Variants in SBF2 observed in about 807,000 individuals in gnomAD.
SBF2 encodes SET binding factor 2, also known as myotubularin-related protein 13.
SBF2 carries 112 observed loss-of-function variants against 225.2 expected under a neutral mutation model. That is an observed-to-expected ratio of 0.50 (90% CI 0.43 to 0.58). The LOEUF (loss-of-function observed/expected upper bound fraction) is 0.58, where lower values mean the gene tolerates loss of function less well. Among genes scored for constraint, SBF2 ranks in the 20% least tolerant of loss-of-function variants. The probability of loss-of-function intolerance (pLI) is 0.00; values close to 1 mark genes in which losing one functional copy is unlikely to be tolerated. For missense variants in SBF2, 1,996 were observed against 2,206.2 expected (o/e 0.90, Z 1.91); for synonymous variants, 763 against 773.3 (o/e 0.99, Z 0.22).
chr11:10,086,739 A>C (rs1397568174), intron 2 of SBF2, among the ~76,000 whole-genome samples: 1 of 152,216 alleles, frequency 6.6e-6, no homozygotes, highest in Non-Finnish European at 1.5e-5. Context: ...ACAAAGTTTT[A>C]CTTAGCTTCT....
chr11:9,961,620 G>A (rs1246388470), intron 16 of SBF2: 6 of 177,950 alleles, frequency 3.4e-5, no homozygotes, highest in Non-Finnish European at 7.1e-5. Flanking sequence ...TTGGACAACT[G>A]AAAACTGACT....
At chr11:10,065,082 G>T (rs1217469823) in intron 2 of SBF2, among the ~76,000 whole-genome samples, 1 of 152,114 alleles carries the variant, frequency 6.6e-6, no homozygotes, top group Non-Finnish European at 1.5e-5. Context: ...ATGTTCTCAT[G>T]TCAAAGGGAA....
chr11:10,128,981 T>C (rs1450085812), intron 2 of SBF2, among the ~76,000 whole-genome samples: 2 of 151,914 alleles, frequency 1.3e-5, no homozygotes, highest in Admixed American at 6.6e-5. Flanking sequence ...ACAATTAGAC[T>C]ACAGGCTAAA....
At chr11:9,951,611 A>G (rs956232383) in intron 16 of SBF2, among the ~76,000 whole-genome samples, 2 of 152,208 alleles carry the variant, frequency 1.3e-5, no homozygotes, top group African/African-American at 4.8e-5. Context: ...TAGTTGTGTG[A>G]TTTCAAAAAT....
chr11:10,256,525 C>T (rs1465562905), intron 1 of SBF2, among the ~76,000 whole-genome samples: 2 of 152,170 alleles, frequency 1.3e-5, no homozygotes, highest in African/African-American at 4.8e-5. Flanking sequence ...GGCTTCATAA[C>T]AAAGCATAAC....
intron 1 of SBF2, among the ~76,000 whole-genome samples, chr11:10,249,357 C>A (rs1383337429): frequency 6.6e-6 from 1 of 152,014 alleles, no homozygotes; most frequent in East Asian, 1.9e-4. Context: ...CATTAATAAT[C>A]TACTAATGTA....
At chr11:9,945,122 T>C (rs1035448473) in intron 16 of SBF2, among the ~76,000 whole-genome samples, 1 of 151,610 alleles carries the variant, frequency 6.6e-6, no homozygotes, top group African/African-American at 2.4e-5. Context: ...ATAAAATTCA[T>C]ATGGGACCAA....
intron 6 of SBF2, among the ~76,000 whole-genome samples, chr11:10,012,160 T>C (rs1196252840): frequency 1.3e-5 from 2 of 152,216 alleles, no homozygotes; most frequent in East Asian, 1.9e-4. Flanking sequence ...CAGTTATTTA[T>C]TTTGAGAAAG....
At chr11:9,967,266 A>G (rs894746931) in intron 14 of SBF2, among the ~76,000 whole-genome samples, 1 of 151,872 alleles carries the variant, frequency 6.6e-6, no homozygotes, top group African/African-American at 2.4e-5. Context: ...CAGCTACTCA[A>G]GAGGCTGAGG....
At chr11:9,923,298 A>G (rs1181043961) in intron 16 of SBF2, among the ~76,000 whole-genome samples, 1 of 147,478 alleles carries the variant, frequency 6.8e-6, no homozygotes, top group Non-Finnish European at 1.5e-5. Flanking sequence ...TTTTGGTTAC[A>G]CCCTAGTTAA....
intron 2 of SBF2, among the ~76,000 whole-genome samples, chr11:10,179,053 A>G (rs1462887994): frequency 6.8e-6 from 1 of 147,880 alleles, no homozygotes; most frequent in African/African-American, 2.5e-5. Flanking sequence ...AGGGACATGG[A>G]TGAAATTGGA....
intron 10 of SBF2, 121 bp downstream of exon 10, chr11:9,993,800 T>C: frequency 2.0e-6 from 2 of 991,700 alleles, no homozygotes; most frequent in Admixed American, 2.4e-5. Flanking sequence ...AATTTCTAAT[T>C]TGGGGCACTT....
intron 2 of SBF2, among the ~76,000 whole-genome samples, chr11:10,136,163 C>T (rs940840240): frequency 2.0e-5 from 3 of 152,136 alleles, no homozygotes; most frequent in Non-Finnish European, 2.9e-5. Flanking sequence ...GACTTATTCA[C>T]TATCACGAGA....
intron 27 of SBF2, among the ~76,000 whole-genome samples, chr11:9,831,790 G>A (rs913986104): frequency 1.3e-5 from 2 of 152,158 alleles, no homozygotes; most frequent in South Asian, 2.1e-4. Context: ...TCTTGTGTGT[G>A]CGTATGACTT....
chr11:10,135,752 C>G (rs112579118), intron 2 of SBF2, among the ~76,000 whole-genome samples: 2,253 of 152,246 alleles, frequency 0.015, 45 homozygotes, highest in African/African-American at 0.039. Context: ...ATATCACTAT[C>G]AGCATTTTGG....
At chr11:10,129,153 G>T (rs372827651) in intron 2 of SBF2, among the ~76,000 whole-genome samples, 1 of 142,334 alleles carries the variant, frequency 7.0e-6, no homozygotes, top group Non-Finnish European at 1.5e-5. Flanking sequence ...CATCAGGCTG[G>T]AGTGCAGTGG....
intron 1 of SBF2, among the ~76,000 whole-genome samples, chr11:10,215,624 A>G (rs1958100626): frequency 6.6e-6 from 1 of 151,852 alleles, no homozygotes; most frequent in South Asian, 2.1e-4. Context: ...CCTTGGCTCA[A>G]AAAAACAAAC....
intron 16 of SBF2, among the ~76,000 whole-genome samples, chr11:9,944,692 C>T (rs1445769362): frequency 6.6e-6 from 1 of 152,152 alleles, no homozygotes; most frequent in African/African-American, 2.4e-5. Flanking sequence ...AGTCCATGTT[C>T]AAGGATTCGA....
At chr11:9,825,518 A>C (rs1235107708) in intron 28 of SBF2, among the ~76,000 whole-genome samples, 1 of 152,204 alleles carries the variant, frequency 6.6e-6, no homozygotes, top group Non-Finnish European at 1.5e-5. Flanking sequence ...TGGAAAGATG[A>C]CTCAAGGAGG....
Sources: allele counts gnomAD v4.1 joint callset (sites outside exome capture counted in the v4.1 genomes callset), GRCh38; gene constraint gnomAD v4.1.1; transcripts MANE v1.5; gene names NCBI Gene and HGNC (gene_info 2026-07-23, HGNC 2026-07-21).